The following MACROD2 variants were observed in gnomAD, a reference collection of about 807,000 sequenced individuals.
MACROD2 encodes the protein mono-ADP ribosylhydrolase 2.
In MACROD2, 36 loss-of-function variants were observed where a neutral mutation model predicts 70.4. That is an observed-to-expected ratio of 0.51 (90% CI 0.39 to 0.68). The LOEUF (loss-of-function observed/expected upper bound fraction) is 0.68, where lower values mean the gene tolerates loss of function less well. MACROD2 is among the 30% of genes least tolerant of loss of function. The pLI is 0.00. For missense variants in MACROD2, 496 were observed against 538.4 expected (o/e 0.92, Z 0.78); for synonymous variants, 172 against 178.8 (o/e 0.96, Z 0.30).
rs182574366 is a variant in MACROD2, at chr20:15,895,178, G to A, written c.775+9367G>A. On this transcript the variant is annotated intron_variant, in intron 10 of 17. Coordinates refer to ENST00000684519, the MANE Select transcript of MACROD2 (RefSeq NM_001351661.2). Reference sequence around the variant, plus strand: ...TCTTCCAAGTTACTCCTTCCAATGTGTGAAAACTTCATTTACTTCCTAAAT... The same window carrying A: ...TCTTCCAAGTTACTCCTTCCAATGTATGAAAACTTCATTTACTTCCTAAAT... 2.0e-5 allele frequency among the ~76,000 whole-genome samples: 3 copies of A among 152,286 alleles called. No homozygotes were observed. In the East Asian group the frequency reaches 5.8e-4, roughly 29 times the overall value.
intron 5 of MACROD2, among the ~76,000 whole-genome samples, chr20:15,053,814 A>G (rs1285224482): frequency 6.6e-6 from 1 of 152,224 alleles, no homozygotes; most frequent in Non-Finnish European, 1.5e-5. Flanking sequence ...AAGAACATTG[A>G]AAACCTTCTG....
intron 12 of MACROD2, among the ~76,000 whole-genome samples, chr20:15,965,002 AT>A (rs1166776065): frequency 1.3e-5 from 2 of 152,202 alleles, no homozygotes; most frequent in African/African-American, 2.4e-5. Flanking sequence ...ACATAAAGAC[AT>A]GTATATTTGT....
At chr20:14,214,680 G>A (rs2081600307) in intron 3 of MACROD2, among the ~76,000 whole-genome samples, 1 of 144,712 alleles carries the variant, frequency 6.9e-6, no homozygotes, top group African/African-American at 2.6e-5. Flanking sequence ...GTGGTGATTT[G>A]TGAGATTTTG....
chr20:15,624,830 A>C (rs1305630750), intron 8 of MACROD2, among the ~76,000 whole-genome samples: 1 of 152,182 alleles, frequency 6.6e-6, no homozygotes, highest in Non-Finnish European at 1.5e-5. Flanking sequence ...CCACTGGTTA[A>C]GTCTTATTTT....
At chr20:15,073,648 A>G (rs2123112911) in intron 5 of MACROD2, among the ~76,000 whole-genome samples, 1 of 152,326 alleles carries the variant, frequency 6.6e-6, no homozygotes, top group Admixed American at 6.5e-5. Context: ...CTCATGTATA[A>G]GTTTCATATA....
intron 3 of MACROD2, among the ~76,000 whole-genome samples, chr20:14,190,673 CATATATAT>C (rs1165737410): frequency 0.014 from 532 of 39,150 alleles, 25 homozygotes; most frequent in African/African-American, 0.023. Context: ...GTATTCATTC[CATATATAT>C]ATATATATAT....
intron 15 of MACROD2, among the ~76,000 whole-genome samples, chr20:16,030,510 A>G (rs925139033): frequency 6.6e-6 from 1 of 152,202 alleles, no homozygotes; most frequent in Non-Finnish European, 1.5e-5. Flanking sequence ...GCAACCCAGT[A>G]AAGGGCAGGT....
Position 15,802,147 on chromosome 20 carries a change from G to C in MACROD2, c.646-60598G>C, listed in dbSNP as rs143539487. ...TATAAGATCATATCATCTGTGGGAA[G>C]GGACAAATTGACTTCCTCTGTTTTC... On this transcript the variant is annotated intron_variant, in intron 8 of 17. Transcript: ENST00000684519. Among the ~76,000 whole-genome samples, 46 of 152,190 alleles carry C rather than the reference G, an allele frequency of 3.0e-4. 1 individual carries two copies. Among genetic ancestry groups the C allele is most frequent in the African/African-American group, 1.1e-3 (44 of 41,478 alleles).
At chr20:15,550,133 T>G (rs2048076390) in intron 8 of MACROD2, among the ~76,000 whole-genome samples, 1 of 152,002 alleles carries the variant, frequency 6.6e-6, no homozygotes, top group African/African-American at 2.4e-5. Context: ...CATTTACTTG[T>G]CAGATCTCTT....
intron 6 of MACROD2, among the ~76,000 whole-genome samples, chr20:15,366,264 T>C (rs1035246796): frequency 1.3e-5 from 2 of 152,154 alleles, no homozygotes; most frequent in African/African-American, 4.8e-5. Context: ...TTTTCAGTAA[T>C]TTTTCCCCCC....
At chr20:15,867,900 G>A (rs1275398242) in intron 9 of MACROD2, among the ~76,000 whole-genome samples, 1 of 152,056 alleles carries the variant, frequency 6.6e-6, no homozygotes, top group African/African-American at 2.4e-5. Flanking sequence ...TCTCAACTAC[G>A]AGCGATTTTG....
At chr20:14,193,645 GAGCTAGAGCTGTAGCTGCGGAGTGC>G (rs1203807084) in intron 3 of MACROD2, among the ~76,000 whole-genome samples, 1 of 152,188 alleles carries the variant, frequency 6.6e-6, no homozygotes, top group African/African-American at 2.4e-5. Context: ...CCTGCAGGAG[GAGCTAGAGCTGTAGCTGCGGAGTGC>G]AGCTATAGTC....
chr20:15,699,569 G>A (rs953758472), intron 8 of MACROD2, among the ~76,000 whole-genome samples: 11 of 152,104 alleles, frequency 7.2e-5, no homozygotes, highest in Non-Finnish European at 1.5e-5. Flanking sequence ...AGGAGGGGGC[G>A]CTTTCCAGAA....
intron 8 of MACROD2, among the ~76,000 whole-genome samples, chr20:15,772,101 A>ATATAT (rs1476065147): frequency 6.6e-5 from 6 of 91,428 alleles, no homozygotes; most frequent in East Asian, 5.1e-4. Flanking sequence ...AAAAAAAAAA[A>ATATAT]ATATATATAT....
At chr20:14,868,463 G>C (rs1320835375) in intron 5 of MACROD2, among the ~76,000 whole-genome samples, 1 of 151,902 alleles carries the variant, frequency 6.6e-6, no homozygotes, top group Non-Finnish European at 1.5e-5. Flanking sequence ...ACCATGCCTG[G>C]CCTCCCATGT....
At chr20:15,985,841 C>G (rs2147466421) in intron 13 of MACROD2, 1 of 152,356 alleles carries the variant, frequency 6.6e-6, no homozygotes, top group Non-Finnish European at 1.5e-5. Context: ...CAGCTGGGAG[C>G]ATCGGCAAGC....
At position 15,279,182 on chromosome 20, in the gene MACROD2, G is replaced by A. The variant is rs542976572; in HGVS notation, c.540+49121G>A. ...GTGTTGTTAATGGCTTACATATGGG[G>A]CTTCTTGCAGGGTGTAGGAAACTTC... On this transcript the variant is annotated intron_variant, in intron 6 of 17. Transcript: ENST00000684519. Among the ~76,000 whole-genome samples the A allele has an allele frequency of 3.9e-5, 6 of 152,298 alleles. No individual in the cohort carries two copies. In the South Asian group the frequency reaches 1.2e-3, roughly 32 times the overall value.
At chr20:15,235,099 T>C (rs1007237017) in intron 6 of MACROD2, among the ~76,000 whole-genome samples, 2 of 152,232 alleles carry the variant, frequency 1.3e-5, no homozygotes, top group Admixed American at 1.3e-4. Context: ...TTGAGAAAAC[T>C]ATTTTCACTG....
intron 8 of MACROD2, among the ~76,000 whole-genome samples, chr20:15,755,647 T>C (rs149149693): frequency 6.6e-6 from 1 of 152,332 alleles, no homozygotes; most frequent in African/African-American, 2.4e-5. Flanking sequence ...TTTTGCCATA[T>C]GTTTCTCTAT....
Sources: allele counts gnomAD v4.1 joint callset (sites outside exome capture counted in the v4.1 genomes callset), GRCh38; gene constraint gnomAD v4.1.1; transcripts MANE v1.5; gene names NCBI Gene and HGNC (gene_info 2026-07-23, HGNC 2026-07-21).